The following CCDC134 variants were observed in gnomAD, a reference collection of about 807,000 sequenced individuals.
CCDC134 encodes coiled-coil domain containing 134.
CCDC134 carries 27 observed loss-of-function variants against 25.6 expected under a neutral mutation model. That is an observed-to-expected ratio of 1.05 (90% CI 0.78 to 1.45). The LOEUF is 1.45. CCDC134 is among the 40% of genes most tolerant of loss of function. The pLI, the probability that CCDC134 is intolerant of heterozygous loss-of-function variation, is 0.00. For missense variants in CCDC134, 261 were observed against 286.7 expected, an observed-to-expected ratio of 0.91 and a Z score of 0.65; for synonymous variants, 110 against 115.0, an observed-to-expected ratio of 0.96 and a Z score of 0.28.
chr22:41,821,483 T>A (rs1316781779), intron 6 of CCDC134, among the ~76,000 whole-genome samples: 2 of 122,172 alleles, frequency 1.6e-5, no homozygotes, highest in Non-Finnish European at 3.5e-5. Context: ...CCCCCACCAG[T>A]CCCCAGAGTG....
In CCDC134 at chr22:41,825,912, G is replaced by A; in HGVS notation, c.*89G>A. 6.5e-7 allele frequency: 1 copy of A among 1,542,246 alleles called. No individual in the cohort carries two copies. ...GGTGTGGTTGTGGTGGAGAGCACCA[G>A]CTAGCCCCTTCCAGAAGGGGAGGCC... On this transcript the variant is annotated 3_prime_UTR_variant, in exon 7 of 7. Transcript: ENST00000255784. The surrounding 1 kb of genome is among the most constrained non-coding windows in gnomAD (Gnocchi z 4.4).
intron 6 of CCDC134, among the ~76,000 whole-genome samples, chr22:41,820,422 C>T (rs111486201): frequency 0.025 from 3,738 of 152,266 alleles, 63 homozygotes; most frequent in Non-Finnish European, 0.04. Flanking sequence ...GCCTCAGCCT[C>T]CTGAGTAGCT....
At position 41,828,634 on chromosome 22, in the gene CCDC134, G is replaced by T. The variant is rs1301398649; in HGVS notation, c.*2811G>T. On this transcript the variant is annotated 3_prime_UTR_variant, in exon 7 of 7. Transcript: ENST00000255784. ...TTGTTATAGTCACTTGCTCCAGGAA[G>T]TCCACTTGCTGAGTCTTACTGCAGA... 6.6e-6 allele frequency among the ~76,000 whole-genome samples: 1 copy of T among 152,184 alleles called. No homozygotes were observed. Among genetic ancestry groups the T allele is most frequent in the African/African-American group, 2.4e-5 (1 of 41,444 alleles).
intron 6 of CCDC134, among the ~76,000 whole-genome samples, chr22:41,814,694 A>G (rs1484917651): frequency 1.3e-5 from 2 of 151,982 alleles, no homozygotes; most frequent in Non-Finnish European, 2.9e-5. Context: ...TGGTGTCGGG[A>G]GGGGTGTTGG....
intron 6 of CCDC134, among the ~76,000 whole-genome samples, chr22:41,820,322 A>G (rs7364123): frequency 0.38 from 57,186 of 150,162 alleles, 13,701 homozygotes; most frequent in African/African-American, 0.66. Context: ...TTTTTAAGAC[A>G]GATTTTTGCT....
At position 41,831,494 on chromosome 22, in the gene CCDC134, T is replaced by C. The variant is rs1162208557; in HGVS notation, c.*5671T>C. On this transcript the variant is annotated 3_prime_UTR_variant, in exon 7 of 7. Transcript: ENST00000255784. ...GAGCCACCGCGCCTGGCCAGATCCT[T>C]ATTTTTTCAATTGCAATACAGCAGT... 6.6e-6 allele frequency: 1 copy of C among 152,218 alleles called. No homozygotes were observed. Among genetic ancestry groups the C allele is most frequent in the Admixed American group, 6.5e-5 (1 of 15,280 alleles). The allele number at this position is 152,218 out of a possible 1,614,324, so 9.4% of individuals were successfully genotyped here. A position where few individuals can be genotyped will look rare whatever the true frequency, so the allele number is the denominator to read the frequency against.
intron 1 of CCDC134, among the ~76,000 whole-genome samples, chr22:41,803,565 C>T (rs899225913): frequency 4.6e-5 from 7 of 152,102 alleles, no homozygotes; most frequent in African/African-American, 9.6e-5. Flanking sequence ...CCCAGGAGTT[C>T]GAGACCAGCC....
intron 4 of CCDC134, among the ~76,000 whole-genome samples, chr22:41,810,742 C>T (rs754883848): frequency 3.3e-5 from 5 of 152,082 alleles, no homozygotes; most frequent in Non-Finnish European, 5.9e-5. Flanking sequence ...GATCCGCCCA[C>T]CTCGGCCTCC....
intron 1 of CCDC134, among the ~76,000 whole-genome samples, chr22:41,806,461 C>T (rs2076568147): frequency 6.6e-6 from 1 of 151,754 alleles, no homozygotes; most frequent in Non-Finnish European, 1.5e-5. Flanking sequence ...ACCTTGTGAT[C>T]CGCCCACCTC....
intron 1 of CCDC134, 22 bp from the exon 2 acceptor site, chr22:41,808,853 T>A (rs1301684090): frequency 6.4e-7 from 1 of 1,561,210 alleles, no homozygotes. Flanking sequence ...TCTCACTCTC[T>A]TTCTTTGGGT....
rs777512570 is a variant in CCDC134, at chr22:41,813,251, G to T, written c.311-13G>T. 1.4e-5 allele frequency: 23 copies of T among 1,613,862 alleles called. No individual in the cohort carries two copies. Among genetic ancestry groups the T allele is most frequent in the African/African-American group, 1.2e-4 (9 of 74,928 alleles). On this transcript the variant is annotated splice_polypyrimidine_tract_variant and intron_variant, in intron 4 of 6. Coordinates refer to ENST00000255784, the MANE Select transcript of CCDC134 (RefSeq NM_024821.5). ...GCATCTGCCCTGGCCACTCATCAGG[G>T]TCCTCTCGCCAGCTTTCTCCCACGT...
At chr22:41,822,997 C>A (rs776046442) in intron 6 of CCDC134, among the ~76,000 whole-genome samples, 1 of 152,152 alleles carries the variant, frequency 6.6e-6, no homozygotes, top group African/African-American at 2.4e-5. Context: ...TCAGATCAAA[C>A]ATTTGTCACA....
intron 2 of CCDC134, 96 bp from the exon 3 acceptor site, chr22:41,809,783 G>C: frequency 6.5e-7 from 1 of 1,529,560 alleles, no homozygotes; most frequent in South Asian, 1.2e-5. Context: ...GGCCCTTGCA[G>C]ATACTTGCTG....
chr22:41,819,666 G>A (rs1183720816), intron 6 of CCDC134, among the ~76,000 whole-genome samples: 1 of 152,036 alleles, frequency 6.6e-6, no homozygotes, highest in Non-Finnish European at 1.5e-5. Flanking sequence ...AGGGGAATGT[G>A]GTTAAGGAAT....
chr22:41,813,145 C>A (rs937198034), intron 4 of CCDC134, 119 bp from the exon 5 acceptor site: 26 of 996,578 alleles, frequency 2.6e-5, no homozygotes, highest in East Asian at 2.4e-5. Context: ...TCAGTAGGCA[C>A]TGTTCCTTCC....
At chr22:41,813,633 A>T (rs2076608472) in intron 5 of CCDC134, 118 bp from the exon 6 acceptor site, 1 of 1,251,140 alleles carries the variant, frequency 8.0e-7, no homozygotes, top group Admixed American at 1.8e-5. Context: ...CCATGGGATC[A>T]TCATGTGGCC....
chr22:41,809,323 C>T (rs2076582980), intron 2 of CCDC134, among the ~76,000 whole-genome samples: 1 of 152,140 alleles, frequency 6.6e-6, no homozygotes, highest in Admixed American at 6.6e-5. Context: ...GCCACCTGCT[C>T]CAGGCCAGGC....
Position 41,831,161 on chromosome 22 carries a change from C to G in CCDC134, c.*5338C>G, listed in dbSNP as rs1459982102. 1 of 152,156 alleles carries G rather than the reference C, an allele frequency of 6.6e-6. No homozygotes were observed. The highest frequency in any genetic ancestry group is 1.5e-5 in the Non-Finnish European group (1 of 68,076). The allele number at this position is 152,156 out of a possible 1,614,324, so 9.4% of individuals were successfully genotyped here. A position where few individuals can be genotyped will look rare whatever the true frequency, so the allele number is the denominator to read the frequency against. On this transcript the variant is annotated 3_prime_UTR_variant, in exon 7 of 7. Coordinates refer to ENST00000255784, the MANE Select transcript of CCDC134 (RefSeq NM_024821.5). ...TCAGCCTCCCAAAGTGCTGGGATTA[C>G]AGGCGTGAGCCACCTTGCCCGGACT...
intron 6 of CCDC134, among the ~76,000 whole-genome samples, chr22:41,820,000 AT>A (rs1197802046): frequency 1.6e-4 from 11 of 67,666 alleles, no homozygotes; most frequent in African/African-American, 2.9e-4. Context: ...TATATATATA[AT>A]TTTTTTTTTT....
Sources: allele counts gnomAD v4.1 joint callset (sites outside exome capture counted in the v4.1 genomes callset), GRCh38; gene constraint gnomAD v4.1.1; non-coding constraint Gnocchi (gnomAD v3.1); transcripts MANE v1.5; gene names NCBI Gene and HGNC (gene_info 2026-07-23, HGNC 2026-07-21).